The following MMUT variants were observed in gnomAD, a reference collection of about 807,000 sequenced individuals.
MMUT encodes the protein methylmalonyl-CoA mutase, mitochondrial.
MMUT carries 79 observed loss-of-function variants against 79.9 expected under a neutral mutation model. That is an observed-to-expected ratio of 0.99 (90% CI 0.82 to 1.19). The LOEUF is 1.19. Ranked by LOEUF, MMUT falls within the 50% of genes most tolerant of loss-of-function variation. The pLI, the probability that MMUT is intolerant of heterozygous loss-of-function variation, is 0.00. For missense variants in MMUT, 860 were observed against 917.2 expected (o/e 0.94, Z 0.81); for synonymous variants, 273 against 295.7 (o/e 0.92, Z 0.79).
chr6:49,461,257 T>C (rs574603006), intron 1 of MMUT, among the ~76,000 whole-genome samples: 40 of 152,320 alleles, frequency 2.6e-4, no homozygotes, highest in African/African-American at 9.4e-4. Context: ...TACATAGATA[T>C]ATTCTGTTTG....
intron 9 of MMUT, 104 bp from the exon 10 acceptor site, chr6:49,442,075 T>A: frequency 7.9e-7 from 1 of 1,265,742 alleles, no homozygotes; most frequent in Non-Finnish European, 1.1e-6. Context: ...CATAAGTAAA[T>A]GACTGTAAAA....
At chr6:49,449,932 T>C (rs948721647) in intron 6 of MMUT, among the ~76,000 whole-genome samples, 1 of 151,724 alleles carries the variant, frequency 6.6e-6, no homozygotes, top group Non-Finnish European at 1.5e-5. Flanking sequence ...ACAGATATAC[T>C]ATAGAAAAGA....
Position 49,459,428 on chromosome 6 carries a change from A to C in MMUT, c.39T>G (p.Pro13=). The part of the protein sequence containing the change: ...RAKNQLFLLS[P]HYLRQVKESS... Reference sequence around the variant, plus strand: ...ATTCTTTTACCTGCCTCAGGTAATGAGGTGAAAGTAAAAAAAGCTGATTCT... The same window carrying C: ...ATTCTTTTACCTGCCTCAGGTAATGCGGTGAAAGTAAAAAAAGCTGATTCT... The change falls in exon 2 of 13, where the codon CCT becomes CCG. Residue 13 remains proline (P), a synonymous_variant. Transcript: ENST00000274813. The C allele has an allele frequency of 6.2e-7, 1 of 1,613,458 alleles. No individual in the cohort carries two copies. Among genetic ancestry groups the C allele is most frequent in the South Asian group, 1.1e-5 (1 of 91,048 alleles).
At chr6:49,446,279 C>T (rs911145553) in intron 8 of MMUT, among the ~76,000 whole-genome samples, 39 of 151,768 alleles carry the variant, frequency 2.6e-4, no homozygotes, top group Admixed American at 1.5e-3. Context: ...AAAAGGAAAG[C>T]GTAAGAAAAT....
intron 3 of MMUT, among the ~76,000 whole-genome samples, chr6:49,456,560 A>T (rs1288710501): frequency 1.3e-5 from 2 of 152,164 alleles, no homozygotes; most frequent in East Asian, 3.9e-4. Flanking sequence ...CCTGAGAACT[A>T]AATGAAGCAT....
At position 49,457,754 on chromosome 6, in the gene MMUT, T is replaced by C; in HGVS notation, c.690A>G (p.Thr230=). 6.2e-7 allele frequency: 1 copy of C among 1,612,320 alleles called. No homozygotes were observed. The change falls in exon 3 of 13, where the codon ACA becomes ACG. Residue 230 remains threonine (T), a synonymous_variant. Coordinates refer to ENST00000274813, the MANE Select transcript of MMUT (RefSeq NM_000255.4). The stretch of plus-strand genomic sequence containing the variant: ...TGGATGGTTCTGGAGGAAAAATGTA[T>C]GTATTTCGAACCATAAATTCCTTTA... ...DILKEFMVRN[T]YIFPPEPSMK...
intron 8 of MMUT, among the ~76,000 whole-genome samples, chr6:49,447,186 G>A (rs561848404): frequency 6.6e-6 from 1 of 151,952 alleles, no homozygotes; most frequent in South Asian, 2.1e-4. Flanking sequence ...ACCAAATATA[G>A]TTGAATTTTA....
rs1053536901 is a variant in MMUT at position 49,435,644 on chromosome 6, G to T, written c.1957-21C>A. ...GGAGTCTAAACAGTCAGAAAGTAAA[G>T]ATAAATCATTGTTTATTACTAGATA... On this transcript the variant is annotated intron_variant, in intron 11 of 12. Coordinates refer to ENST00000274813, the MANE Select transcript of MMUT (RefSeq NM_000255.4). 6 of 1,608,320 alleles carry T rather than the reference G, an allele frequency of 3.7e-6. No homozygotes were observed. In the African/African-American group the frequency reaches 5.3e-5, roughly 14 times the overall value.
At chr6:49,449,972 C>T (rs963017975) in intron 6 of MMUT, among the ~76,000 whole-genome samples, 1 of 152,056 alleles carries the variant, frequency 6.6e-6, no homozygotes, top group Non-Finnish European at 1.5e-5. Context: ...GTGGCTCATG[C>T]CTGTAATCCC....
At chr6:49,432,783 G>A (rs1053766531) in intron 12 of MMUT, among the ~76,000 whole-genome samples, 1 of 152,162 alleles carries the variant, frequency 6.6e-6, no homozygotes, top group African/African-American at 2.4e-5. Context: ...CTGAACATTT[G>A]TAGCTGCAAT....
intron 8 of MMUT, 91 bp from the exon 9 acceptor site, chr6:49,444,845 AT>A: frequency 1.9e-5 from 17 of 899,254 alleles, no homozygotes; most frequent in South Asian, 6.5e-5. Context: ...AGCATATGGC[AT>A]TTTTTTCCAT....
At position 49,456,131 on chromosome 6, in the gene MMUT, T is replaced by G. The variant is rs1242117518; in HGVS notation, c.860A>C (p.Tyr287Ser). Residue 287 changes from tyrosine to serine, a missense_variant, in exon 4 of 13, where the codon TAC becomes TCC. Transcript: ENST00000274813. Reference protein sequence around the residue: ...LAYTLADGLEYSRTGLQAGLT... With the variant: ...LAYTLADGLESSRTGLQAGLT... Reference sequence around the variant, plus strand: ...GCCAGCCTGGAGTCCAGTTCTAGAGTACTCCAATCCATCTGCTAAAGTATA... The same window carrying G: ...GCCAGCCTGGAGTCCAGTTCTAGAGGACTCCAATCCATCTGCTAAAGTATA... The G allele has an allele frequency of 6.2e-7, 1 of 1,613,186 alleles. No individual in the cohort carries two copies. The highest frequency in any genetic ancestry group is 1.7e-5 in the Admixed American group (1 of 60,018).
rs765284825 is a variant in MMUT at position 49,440,316 on chromosome 6, G to A, written c.1846C>T (p.Arg616Cys). Residue 616 changes from arginine to cysteine, a missense_variant, in exon 11 of 13, where the codon CGT becomes TGT. By Grantham distance (180) the Arg-to-Cys change is radical. Coordinates refer to ENST00000274813, the MANE Select transcript of MMUT (RefSeq NM_000255.4). ...TGTCCCATTTTTGCTACAAGAAGAC[G>A]AGGTCTGCGACCTTCACGTTCCATG... ...KFMEREGRRP[R>C]LLVAKMGQDG... 13 of 1,613,862 alleles carry A rather than the reference G, an allele frequency of 8.1e-6. No individual in the cohort carries two copies. The highest frequency in any genetic ancestry group is 6.7e-5 in the Admixed American group (4 of 59,952).
chr6:49,443,913 C>A, intron 9 of MMUT: 1 of 305,300 alleles, frequency 3.3e-6, no homozygotes, highest in South Asian at 2.6e-5. Context: ...TTAAGGGTTA[C>A]AAAGGCAAAA....
At position 49,441,901 on chromosome 6, in the gene MMUT, C is replaced by T; in HGVS notation, c.1747G>A (p.Val583Met). The change falls in exon 10 of 13, where the codon GTG (valine) becomes ATG (methionine). Residue 583 changes from valine to methionine, a missense_variant. By Grantham distance (21) the Val-to-Met change is conservative (BLOSUM62 1). Transcript: ENST00000274813. Reference sequence around the variant, plus strand: ...AATTCCTGGCGATATGCTCCACTCACCATTCGATCATTCGCTTTATGTTCA... The same window carrying T: ...AATTCCTGGCGATATGCTCCACTCATCATTCGATCATTCGCTTTATGTTCA... ...FGEHKANDRM[V>M]SGAYRQEFGE... 6.2e-7 allele frequency: 1 copy of T among 1,612,332 alleles called. No individual in the cohort carries two copies. The highest frequency in any genetic ancestry group is 8.5e-7 in the Non-Finnish European group (1 of 1,178,888).
rs116847404 is a variant in MMUT at position 49,454,806 on chromosome 6, G to A, written c.912-1050C>T. Among the ~76,000 whole-genome samples, 234 of 152,264 alleles carry A rather than the reference G, an allele frequency of 1.5e-3. 3 individuals are homozygous for A. The East Asian group carries it at 0.042, about 27-fold the overall frequency. ...ACTGCCTAGAATCTCAGCACTTTAG[G>A]AGGCCAAGGCAGGAGGATAGCTTGA... On this transcript the variant is annotated intron_variant, in intron 4 of 12. Coordinates refer to ENST00000274813, the MANE Select transcript of MMUT (RefSeq NM_000255.4).
Position 49,435,600 on chromosome 6 carries a change from CT to C in MMUT, c.1979del (p.Gln660ArgfsTer12), listed in dbSNP as rs1308409542. 1 of 1,613,822 alleles carries C rather than the reference CT, an allele frequency of 6.2e-7. No homozygotes were observed. The highest frequency in any genetic ancestry group is 8.5e-7 in the Non-Finnish European group (1 of 1,179,974). Reference protein sequence around the residue: ...LFQTPREVAQQAVDADVHAVG... With the variant: ...LFQTPREVAQXAVDADVHAVG... ...CAGCATGCACATCCGCATCCACAGC[CT>C]GCTGGGCCACTTCACGAGGAGTCTA... On this transcript the variant is annotated frameshift_variant, in exon 12 of 13. Transcript: ENST00000274813. LOFTEE classifies it high-confidence loss of function.
chr6:49,453,489 G>C, intron 5 of MMUT, 96 bp downstream of exon 5: 1 of 535,726 alleles, frequency 1.9e-6, no homozygotes, highest in Non-Finnish European at 3.0e-6. Flanking sequence ...TTAACAGATA[G>C]CTTCTTAATT....
chr6:49,449,977 A>G (rs1263887943), intron 6 of MMUT, among the ~76,000 whole-genome samples: 1 of 152,128 alleles, frequency 6.6e-6, no homozygotes, highest in Non-Finnish European at 1.5e-5. Flanking sequence ...TCATGCCTGT[A>G]ATCCCAGCTC....
Sources: allele counts gnomAD v4.1 joint callset (sites outside exome capture counted in the v4.1 genomes callset), GRCh38; gene constraint gnomAD v4.1.1; transcripts MANE v1.5; gene names NCBI Gene and HGNC (gene_info 2026-07-23, HGNC 2026-07-21).